The following NEDD4L variants were observed in gnomAD, a reference collection of about 807,000 sequenced individuals.
The protein encoded by NEDD4L is E3 ubiquitin-protein ligase NEDD4-like.
A neutral mutation model predicts 148.9 loss-of-function variants in NEDD4L; 54 were observed. The ratio of observed to expected loss-of-function variants is 0.36; its 90% CI spans 0.29 to 0.45. The LOEUF (loss-of-function observed/expected upper bound fraction) is 0.45. Among genes scored for constraint, NEDD4L ranks in the 20% least tolerant of loss-of-function variants. The pLI is 1.00. For missense variants in NEDD4L, 856 were observed against 1,233.8 expected, an observed-to-expected ratio of 0.69 and a Z score of 4.59; for synonymous variants, 433 against 440.7, an observed-to-expected ratio of 0.98 and a Z score of 0.22.
chr18:58,259,311 T>C (rs1417343142), intron 5 of NEDD4L, among the ~76,000 whole-genome samples: 1 of 152,196 alleles, frequency 6.6e-6, no homozygotes, highest in Non-Finnish European at 1.5e-5. Context: ...AGACAAGAAT[T>C]CATTCGTATA....
chr18:58,361,870 G>T (rs1446383863), intron 19 of NEDD4L, among the ~76,000 whole-genome samples: 7 of 144,052 alleles, frequency 4.9e-5, no homozygotes, highest in Non-Finnish European at 1.0e-4. Context: ...GAGAACAAAT[G>T]ATTTGGTCCA....
intron 6 of NEDD4L, among the ~76,000 whole-genome samples, chr18:58,320,305 T>C (rs2058665612): frequency 6.6e-6 from 1 of 152,212 alleles, no homozygotes. Flanking sequence ...TGTATTGAAC[T>C]CCACATCCAA....
At chr18:58,138,632 A>T (rs2033139334) in intron 1 of NEDD4L, among the ~76,000 whole-genome samples, 1 of 152,088 alleles carries the variant, frequency 6.6e-6, no homozygotes, top group South Asian at 2.1e-4. Flanking sequence ...TAATGCTCAC[A>T]GTTTTGGAGG....
intron 1 of NEDD4L, among the ~76,000 whole-genome samples, chr18:58,053,404 G>A (rs372896975): frequency 1.8e-4 from 28 of 152,168 alleles, no homozygotes; most frequent in East Asian, 1.7e-3. Context: ...TGCCTCCCGG[G>A]TTCACGCCAT....
At chr18:58,369,878 G>T (rs537220494) in intron 22 of NEDD4L, among the ~76,000 whole-genome samples, 1 of 152,178 alleles carries the variant, frequency 6.6e-6, no homozygotes, top group South Asian at 2.1e-4. Context: ...TCCCCTTCCT[G>T]TGCTTTCTCC....
At chr18:58,294,749 G>A (rs1343893778) in intron 5 of NEDD4L, among the ~76,000 whole-genome samples, 1 of 151,592 alleles carries the variant, frequency 6.6e-6, no homozygotes, top group Non-Finnish European at 1.5e-5. Flanking sequence ...TGAACTCCCG[G>A]GCCTCAGGCA....
intron 1 of NEDD4L, among the ~76,000 whole-genome samples, chr18:58,132,667 A>G (rs1054560017): frequency 3.3e-5 from 5 of 152,202 alleles, no homozygotes; most frequent in Non-Finnish European, 5.9e-5. Context: ...GGCAAATGGT[A>G]GGGGCTCAAG....
At chr18:58,158,664 G>A (rs778532115) in intron 1 of NEDD4L, among the ~76,000 whole-genome samples, 2 of 152,186 alleles carry the variant, frequency 1.3e-5, no homozygotes, top group Non-Finnish European at 2.9e-5. Context: ...TTGTAGAATT[G>A]AAACTTGACC....
chr18:58,359,347 T>G (rs551123740), intron 19 of NEDD4L, among the ~76,000 whole-genome samples: 1 of 152,226 alleles, frequency 6.6e-6, no homozygotes, highest in Non-Finnish European at 1.5e-5. Context: ...TGTATTCTTA[T>G]AGCTCTCACA....
At chr18:58,279,907 G>A (rs1600636276) in intron 5 of NEDD4L, among the ~76,000 whole-genome samples, 1 of 152,156 alleles carries the variant, frequency 6.6e-6, no homozygotes, top group East Asian at 1.9e-4. Context: ...CGGATGTTGA[G>A]CAGAGAAAAA....
At chr18:58,059,996 G>T (rs62094343) in intron 1 of NEDD4L, among the ~76,000 whole-genome samples, 23,666 of 152,012 alleles carry the variant, frequency 0.16, 2,083 homozygotes, top group African/African-American at 0.23. Flanking sequence ...GTTCAAGGAG[G>T]TTAAATAACT....
At chr18:58,370,776 T>A (rs1402557308) in intron 23 of NEDD4L, among the ~76,000 whole-genome samples, 4 of 152,224 alleles carry the variant, frequency 2.6e-5, no homozygotes, top group African/African-American at 9.6e-5. Flanking sequence ...GTAGCCTGTG[T>A]TTTCTATAAA....
intron 1 of NEDD4L, among the ~76,000 whole-genome samples, chr18:58,130,420 G>A (rs1197333950): frequency 8.7e-5 from 12 of 137,178 alleles, no homozygotes; most frequent in East Asian, 7.1e-4. Context: ...GTGATCTAGC[G>A]GAACTGTGGC....
intron 30 of NEDD4L, among the ~76,000 whole-genome samples, chr18:58,394,053 AG>A (rs1311319521): frequency 6.6e-6 from 1 of 152,336 alleles, no homozygotes; most frequent in African/African-American, 2.4e-5. Context: ...CTTCCACGTG[AG>A]GACGCTGAAG....
chr18:58,250,371 C>G (rs777414275), intron 4 of NEDD4L, among the ~76,000 whole-genome samples: 1 of 152,026 alleles, frequency 6.6e-6, no homozygotes, highest in Non-Finnish European at 1.5e-5. Flanking sequence ...GCTGGTCTCA[C>G]TCTCCTGACC....
chr18:58,100,769 TA>T (rs1409148864), intron 1 of NEDD4L, among the ~76,000 whole-genome samples: 2 of 152,140 alleles, frequency 1.3e-5, no homozygotes, highest in African/African-American at 4.8e-5. Context: ...AGGCTCCTTT[TA>T]GGGGGCAGAA....
At chr18:58,394,575 G>A (rs2050243505) in intron 30 of NEDD4L, among the ~76,000 whole-genome samples, 1 of 152,236 alleles carries the variant, frequency 6.6e-6, no homozygotes, top group Non-Finnish European at 1.5e-5. Flanking sequence ...TTATTAATAT[G>A]ATAATAGAAA....
At position 58,093,098 on chromosome 18, in the gene NEDD4L, G is replaced by A. The variant is rs151194197; in HGVS notation, c.48+48390G>A. 1.5e-4 allele frequency among the ~76,000 whole-genome samples: 23 copies of A among 152,242 alleles called. No homozygotes were observed. In the East Asian group the frequency reaches 4.1e-3, roughly 27 times the overall value. On this transcript the variant is annotated intron_variant, in intron 1 of 30. Coordinates refer to ENST00000400345, the MANE Select transcript of NEDD4L (RefSeq NM_001144967.3). ...CTGATGTTTCAGCAGTATGTGGACA[G>A]ATTCTTTTTTAAGGTAAATGACCAG...
chr18:58,316,556 AGCTGGGAACACCCACCCTC>A (rs2058289899), intron 6 of NEDD4L, among the ~76,000 whole-genome samples: 2 of 152,234 alleles, frequency 1.3e-5, no homozygotes, highest in Non-Finnish European at 2.9e-5. Flanking sequence ...TGAACTTGTC[AGCTGGGAACACCCACCCTC>A]GCTGGAACAC....
Sources: allele counts gnomAD v4.1 joint callset (sites outside exome capture counted in the v4.1 genomes callset), GRCh38; gene constraint gnomAD v4.1.1; transcripts MANE v1.5; gene names NCBI Gene and HGNC (gene_info 2026-07-23, HGNC 2026-07-21).